RESF1: variants seen among roughly 807,000 people sequenced by gnomAD.
RESF1 encodes the protein retroelement silencing factor 1, also known as gonad expressed transcript.
In RESF1, 65 loss-of-function variants were observed where a neutral mutation model predicts 134.7. The ratio of observed to expected loss-of-function variants is 0.48; its 90% CI spans 0.40 to 0.59. RESF1 has a LOEUF of 0.59. Ranked by LOEUF, RESF1 falls within the 20% of genes least tolerant of loss-of-function variation. RESF1 has a pLI of 0.00. For missense variants in RESF1, 2,274 were observed against 2,002.7 expected (o/e 1.14, Z -2.59); for synonymous variants, 762 against 702.2 (o/e 1.09, Z -1.35).
At chr12:31,975,683 C>A (rs966855765) in intron 3 of RESF1, among the ~76,000 whole-genome samples, 2 of 152,178 alleles carry the variant, frequency 1.3e-5, no homozygotes, top group African/African-American at 4.8e-5. Flanking sequence ...CCACTACAGT[C>A]CCTAGATGGT....
intron 3 of RESF1, among the ~76,000 whole-genome samples, chr12:31,973,969 G>A (rs1027862290): frequency 1.3e-5 from 2 of 152,032 alleles, no homozygotes; most frequent in African/African-American, 4.8e-5. Flanking sequence ...CCCTGACTTC[G>A]CCAGACCTGT....
intron 3 of RESF1, among the ~76,000 whole-genome samples, chr12:31,973,993 C>G (rs1051328748): frequency 6.6e-6 from 1 of 152,030 alleles, no homozygotes; most frequent in African/African-American, 2.4e-5. Context: ...TTTGACCAAC[C>G]TGTTACAAAG....
intron 3 of RESF1, among the ~76,000 whole-genome samples, chr12:31,974,294 C>T (rs1460422245): frequency 6.6e-6 from 1 of 151,848 alleles, no homozygotes; most frequent in South Asian, 2.1e-4. Flanking sequence ...GATTGTATAC[C>T]CCAATCTACA....
At position 31,992,848 on chromosome 12, in the gene RESF1, C is replaced by T. The variant is rs542069976; in HGVS notation, c.*313C>T. 10 of 309,768 alleles carry T rather than the reference C, an allele frequency of 3.2e-5. No individual in the cohort carries two copies. Among genetic ancestry groups the T allele is most frequent in the South Asian group, 1.3e-4 (4 of 30,366 alleles). 19.2% of individuals were successfully genotyped at this position (309,768 alleles called of 1,614,324 possible). A position where few individuals can be genotyped will look rare whatever the true frequency, so the allele number is the denominator to read the frequency against. ...AATTCTACCCATCTTGAGGGAGGAC[C>T]GTTCCTCAGTTAAGGACTTGTTTAT... On this transcript the variant is annotated 3_prime_UTR_variant, in exon 6 of 6. Coordinates refer to ENST00000312561, the MANE Select transcript of RESF1 (RefSeq NM_018169.4).
intron 3 of RESF1, among the ~76,000 whole-genome samples, chr12:31,972,378 G>A (rs796694601): frequency 2.0e-5 from 3 of 152,084 alleles, no homozygotes; most frequent in Admixed American, 1.3e-4. Flanking sequence ...AGGCCGAGGT[G>A]GGTGGATCAC....
chr12:31,962,877 C>T (rs1241036770), intron 2 of RESF1, among the ~76,000 whole-genome samples: 1 of 152,112 alleles, frequency 6.6e-6, no homozygotes, highest in Non-Finnish European at 1.5e-5. Flanking sequence ...GTGGGCAGAT[C>T]ACCTGAGGTC....
intron 2 of RESF1, among the ~76,000 whole-genome samples, chr12:31,961,486 T>C (rs1421865527): frequency 6.6e-6 from 1 of 152,240 alleles, no homozygotes; most frequent in East Asian, 1.9e-4. Context: ...ATGAGTTTCA[T>C]GCATATCACA....
intron 3 of RESF1, among the ~76,000 whole-genome samples, chr12:31,978,038 C>G (rs1939677678): frequency 1.3e-5 from 2 of 151,650 alleles, no homozygotes; most frequent in South Asian, 2.1e-4. Flanking sequence ...CTTCTGACCT[C>G]AAGCAGTCGC....
Position 31,983,561 on chromosome 12 carries a change from C to A in RESF1, c.2606C>A (p.Pro869His), listed in dbSNP as rs759084347. 11 of 1,614,076 alleles carry A rather than the reference C, an allele frequency of 6.8e-6. No homozygotes were observed. The South Asian group carries it at 1.2e-4, about 18-fold the overall frequency. ...AAATTAGAGTCAGCTATCCATTCTC[C>A]TATGAACGATCAGCAAATCTCACAG... is the stretch of plus-strand genomic sequence containing the variant. ...HNKLESAIHS[P>H]MNDQQISQES... is the part of the protein sequence containing the mutation. The change falls in exon 4 of 6, where the codon CCT becomes CAT. Residue 869 changes from proline to histidine, a missense_variant. Physicochemically the swap from Pro to His is moderately conservative, Grantham distance 77. Transcript: ENST00000312561.
intron 3 of RESF1, among the ~76,000 whole-genome samples, chr12:31,971,949 T>G (rs1210365434): frequency 6.6e-6 from 1 of 152,172 alleles, no homozygotes; most frequent in East Asian, 1.9e-4. Flanking sequence ...GAGGTTAAGT[T>G]GATCACCAAT....
chr12:31,965,021 G>A (rs1939366414), intron 2 of RESF1, among the ~76,000 whole-genome samples: 3 of 152,062 alleles, frequency 2.0e-5, no homozygotes, highest in Admixed American at 1.3e-4. Context: ...AGAATGGAGT[G>A]CGGTGGTGTG....
At chr12:31,967,674 T>G (rs12307982) in intron 2 of RESF1, among the ~76,000 whole-genome samples, 5,202 of 151,212 alleles carry the variant, frequency 0.034, 289 homozygotes, top group African/African-American at 0.11. Flanking sequence ...TTTGTTTTTT[T>G]TGTGTGTGTG....
rs1392936586 is a variant in RESF1, at chr12:31,985,686, A to G, written c.4731A>G (p.Gln1577=). 6.2e-7 allele frequency: 1 copy of G among 1,612,376 alleles called. No individual in the cohort carries two copies. Among genetic ancestry groups the G allele is most frequent in the East Asian group, 2.2e-5 (1 of 44,876 alleles). ...AAATGCCTCCCCAAGTAAAGGATCA[A>G]AAGAAATTATATCTGAATAGAGTTG... ...FSQMPPQVKD[Q]KKLYLNRVGF... Residue 1577 remains glutamine, a synonymous_variant, in exon 4 of 6, where the codon CAA becomes CAG. Transcript: ENST00000312561.
At position 31,980,915 on chromosome 12, in the gene RESF1, A is replaced by G. The variant is rs376387212; in HGVS notation, c.-41A>G. 1.4e-6 allele frequency: 2 copies of G among 1,428,450 alleles called. No homozygotes were observed. Among genetic ancestry groups the G allele is most frequent in the Admixed American group, 4.5e-5 (2 of 44,742 alleles). The allele number at this position is 1,428,450 out of a possible 1,614,324, so 88.5% of individuals were successfully genotyped here. ...CAGACAACTGACTTGTAACTGACTT[A>G]TAACTGACTTGTAATACACTGCTAC... On this transcript the variant is annotated 5_prime_UTR_variant, in exon 4 of 6. Coordinates refer to ENST00000312561, the MANE Select transcript of RESF1 (RefSeq NM_018169.4).
intron 5 of RESF1, among the ~76,000 whole-genome samples, chr12:31,988,402 A>G (rs538516665): frequency 4.3e-4 from 65 of 152,384 alleles, no homozygotes; most frequent in African/African-American, 1.4e-3. Flanking sequence ...AACTGTTTAC[A>G]TAGCATTTAC....
chr12:31,992,280 T>A, intron 5 of RESF1, 98 bp from the exon 6 acceptor site: 2 of 1,078,456 alleles, frequency 1.9e-6, no homozygotes, highest in Non-Finnish European at 2.7e-6. Flanking sequence ...CCTTAATTTT[T>A]TATCCCTCCA....
rs372086367 is a variant in RESF1, at chr12:31,982,627, G to A, written c.1672G>A (p.Val558Ile). 3 of 1,614,010 alleles carry A rather than the reference G, an allele frequency of 1.9e-6. No homozygotes were observed. The highest frequency in any genetic ancestry group is 1.7e-5 in the Admixed American group (1 of 60,024). The change falls in exon 4 of 6, where the codon GTT becomes ATT. Residue 558 changes from valine (V) to isoleucine (I), a missense_variant. Val to Ile is a conservative substitution (Grantham distance 29). Transcript: ENST00000312561. ...VTKVEQNSPA[V>I]CETISVPKSM... ...CAAAGTTGAGCAAAATTCACCAGCA[G>A]TTTGTGAAACAATTTCTGTTCCCAA...
At chr12:31,962,021 G>C (rs1939280743) in intron 2 of RESF1, among the ~76,000 whole-genome samples, 1 of 152,130 alleles carries the variant, frequency 6.6e-6, no homozygotes, top group Admixed American at 6.5e-5. Context: ...CCAGGAGTTC[G>C]AGACCAGCCC....
chr12:31,984,480 G>A lies in RESF1; in HGVS notation c.3525G>A (p.Leu1175=). Residue 1175 remains leucine, a synonymous_variant, in exon 4 of 6, where the codon TTG becomes TTA. Coordinates refer to ENST00000312561, the MANE Select transcript of RESF1 (RefSeq NM_018169.4). ...AAGATGATATCCACTGCTGTGCATT[G>A]GGCTGGCTCTCCATGGTTTACGAAG... ...SEKDDIHCCA[L]GWLSMVYEGV... The A allele has an allele frequency of 2.5e-6, 4 of 1,612,000 alleles. No individual in the cohort carries two copies. The highest frequency in any genetic ancestry group is 3.4e-6 in the Non-Finnish European group (4 of 1,178,422).
Sources: allele counts gnomAD v4.1 joint callset (sites outside exome capture counted in the v4.1 genomes callset), GRCh38; gene constraint gnomAD v4.1.1; transcripts MANE v1.5; gene names NCBI Gene and HGNC (gene_info 2026-07-23, HGNC 2026-07-21).